The following CNTN1 variants were observed in gnomAD, a reference collection of about 807,000 sequenced individuals.
CNTN1 encodes the protein contactin-1.
Under a neutral mutation model 126.4 loss-of-function variants are expected in CNTN1, and 38 were observed. The observed-to-expected ratio is 0.30, with a 90% CI of 0.23 to 0.39. The LOEUF (loss-of-function observed/expected upper bound fraction) is 0.39, where lower values mean the gene tolerates loss of function less well. CNTN1 is among the 10% of genes least tolerant of loss of function. The probability of loss-of-function intolerance (pLI) is 1.00; values close to 1 mark genes in which losing one functional copy is unlikely to be tolerated. For synonymous variants in CNTN1, 413 were observed against 422.6 expected, an observed-to-expected ratio of 0.98 and a Z score of 0.28; for missense variants, 1,009 against 1,248.4, an observed-to-expected ratio of 0.81 and a Z score of 2.89.
intron 1 of CNTN1, among the ~76,000 whole-genome samples, chr12:40,904,409 T>G (rs1020026781): frequency 9.5e-5 from 14 of 147,912 alleles, no homozygotes; most frequent in African/African-American, 3.5e-4. Context: ...TCCCTCCCTC[T>G]TTCATTCTTT....
At chr12:40,702,336 C>T (rs761709684) in intron 1 of CNTN1, among the ~76,000 whole-genome samples, 6 of 152,122 alleles carry the variant, frequency 3.9e-5, no homozygotes, top group Non-Finnish European at 7.4e-5. Context: ...TGAATGAATG[C>T]CCCCAAAATA....
In CNTN1 at chr12:40,698,228, A is replaced by ATTTTTTTTTTT. The variant is rs35570862; in HGVS notation, c.-77+5654_-77+5664dup. Among the ~76,000 whole-genome samples the ATTTTTTTTTTT allele has an allele frequency of 7.2e-4, 50 of 69,866 alleles. 2 individuals carry two copies. The highest frequency in any genetic ancestry group is 2.7e-3 in the African/African-American group (47 of 17,228). 45.8% of individuals were successfully genotyped at this position (69,866 alleles called of 152,430 possible). ...AGCGTGCTTTGAGGCCAGCCACTTA[A>ATTTTTTTTTTT]TTTTTTTTTTTTTTTTTTTTTTTTT... is the stretch of plus-strand genomic sequence containing the variant. On this transcript the variant is annotated intron_variant, in intron 1 of 23. Transcript: ENST00000551295.
intron 21 of CNTN1, among the ~76,000 whole-genome samples, chr12:41,026,890 T>C (rs1303587324): frequency 1.3e-5 from 2 of 152,070 alleles, no homozygotes. Flanking sequence ...AAGGAGAGAA[T>C]TGATAGTGGC....
chr12:40,963,687 T>C (rs952138039), intron 15 of CNTN1, among the ~76,000 whole-genome samples: 1 of 152,092 alleles, frequency 6.6e-6, no homozygotes, highest in Non-Finnish European at 1.5e-5. Context: ...AGGCTTCTGG[T>C]ATAAAAGTCT....
At chr12:40,883,336 T>A (rs10879308) in intron 1 of CNTN1, among the ~76,000 whole-genome samples, 82,321 of 151,294 alleles carry the variant, frequency 0.54, 23,022 homozygotes, top group African/African-American at 0.67. Flanking sequence ...CACATTCTTG[T>A]CAATTAAAAA....
intron 1 of CNTN1, among the ~76,000 whole-genome samples, chr12:40,714,902 G>A (rs1488845868): frequency 6.6e-6 from 1 of 152,026 alleles, no homozygotes; most frequent in East Asian, 1.9e-4. Context: ...TAAAAAAGAG[G>A]TAAATATTGA....
chr12:40,752,709 G>C (rs1393450174), intron 1 of CNTN1, among the ~76,000 whole-genome samples: 1 of 151,850 alleles, frequency 6.6e-6, no homozygotes, highest in Non-Finnish European at 1.5e-5. Context: ...GTTTTACAAT[G>C]GTTTCACAAA....
At chr12:40,834,701 C>T (rs1023816067) in intron 1 of CNTN1, among the ~76,000 whole-genome samples, 4 of 152,018 alleles carry the variant, frequency 2.6e-5, no homozygotes, top group African/African-American at 7.2e-5. Flanking sequence ...TCGACAAGAA[C>T]AATAGAAAAC....
chr12:40,945,835 C>T (rs1946418764), intron 14 of CNTN1, among the ~76,000 whole-genome samples: 1 of 152,028 alleles, frequency 6.6e-6, no homozygotes, highest in African/African-American at 2.4e-5. Context: ...CACACTCTCC[C>T]TTTTCAGATG....
At chr12:41,039,142 T>G (rs1949337821) in intron 23 of CNTN1, among the ~76,000 whole-genome samples, 1 of 152,152 alleles carries the variant, frequency 6.6e-6, no homozygotes, top group African/African-American at 2.4e-5. Context: ...TTGAACCAGT[T>G]TAAGGTGGGA....
At position 40,944,119 on chromosome 12, in the gene CNTN1, C is replaced by T. The variant is rs2136952776; in HGVS notation, c.1632C>T (p.Gly544=). The T allele has an allele frequency of 6.2e-7, 1 of 1,613,408 alleles. No homozygotes were observed. Residue 544 remains glycine (G), a synonymous_variant, in exon 14 of 24, where the codon GGC becomes GGT. Transcript: ENST00000551295. Reference sequence around the variant, plus strand: ...TCACATTTGTTTGGTCCTTCAATGGCTATGTGATCGATTTTAACAAAGAGA... The same window carrying T: ...TCACATTTGTTTGGTCCTTCAATGGTTATGTGATCGATTTTAACAAAGAGA... ...LDLTFVWSFN[G]YVIDFNKENI...
chr12:40,963,147 T>G (rs954263275), intron 15 of CNTN1, among the ~76,000 whole-genome samples: 3 of 151,950 alleles, frequency 2.0e-5, no homozygotes, highest in African/African-American at 7.2e-5. Context: ...GATGGCCAGG[T>G]GTGGTGGCTC....
chr12:40,945,789 C>G (rs1228855838), intron 14 of CNTN1, among the ~76,000 whole-genome samples: 1 of 151,486 alleles, frequency 6.6e-6, no homozygotes, highest in Non-Finnish European at 1.5e-5. Flanking sequence ...ATAAATTAGA[C>G]CATAAAAATG....
At chr12:40,877,801 C>T (rs1305818516) in intron 1 of CNTN1, among the ~76,000 whole-genome samples, 2 of 152,020 alleles carry the variant, frequency 1.3e-5, no homozygotes, top group Admixed American at 1.3e-4. Flanking sequence ...GTTGCCTTAT[C>T]CAATCACAAT....
intron 1 of CNTN1, among the ~76,000 whole-genome samples, chr12:40,865,681 A>G (rs1259837247): frequency 6.6e-6 from 1 of 152,034 alleles, no homozygotes; most frequent in Non-Finnish European, 1.5e-5. Context: ...CTATTGATCT[A>G]TATGTCTATT....
intron 23 of CNTN1, among the ~76,000 whole-genome samples, chr12:41,065,644 T>C (rs1026965726): frequency 8.5e-5 from 13 of 152,166 alleles, no homozygotes; most frequent in African/African-American, 3.1e-4. Context: ...AGGAATTAAC[T>C]AGAGCTGGGG....
chr12:40,939,213 A>T (rs1946181508), intron 11 of CNTN1, 122 bp from the exon 12 acceptor site: 31 of 1,049,582 alleles, frequency 3.0e-5, no homozygotes, highest in Non-Finnish European at 4.1e-5. Context: ...ACAGCTGATC[A>T]TATTTACCGA....
chr12:41,008,031 G>A (rs35450098), intron 17 of CNTN1, among the ~76,000 whole-genome samples: 5,156 of 152,262 alleles, frequency 0.034, 114 homozygotes, highest in Middle Eastern at 0.11. Flanking sequence ...CCCCTCTGGA[G>A]TGGTAACCCT....
intron 1 of CNTN1, among the ~76,000 whole-genome samples, chr12:40,699,758 TAAAAA>T (rs111410321): frequency 6.8e-6 from 1 of 146,286 alleles, no homozygotes; most frequent in Non-Finnish European, 1.5e-5. Context: ...CATTTACAGA[TAAAAA>T]AAAAAAGCTC....
Sources: gnomAD v4.1 joint callset for allele counts (sites outside exome capture counted in the v4.1 genomes callset) on GRCh38, gnomAD v4.1.1 for gene constraint, MANE v1.5 for transcripts, NCBI Gene and HGNC (gene_info 2026-07-23, HGNC 2026-07-21) for gene names.